The following CRTAC1 variants were observed in gnomAD, a reference collection of about 807,000 sequenced individuals.
CRTAC1 encodes the protein cartilage acidic protein 1.
A neutral mutation model predicts 67.8 loss-of-function variants in CRTAC1; 37 were observed. That is an observed-to-expected ratio of 0.55 (90% CI 0.42 to 0.72). The LOEUF is 0.72. Ranked by LOEUF, CRTAC1 falls within the 30% of genes least tolerant of loss-of-function variation. CRTAC1 has a pLI of 0.00. For synonymous variants in CRTAC1, 348 were observed against 371.0 expected (o/e 0.94, Z 0.71); for missense variants, 780 against 931.6 (o/e 0.84, Z 2.12).
At chr10:97,929,874 AC>A (rs1256724041) in intron 3 of CRTAC1, among the ~76,000 whole-genome samples, 1 of 152,228 alleles carries the variant, frequency 6.6e-6, no homozygotes. Flanking sequence ...GCTTTATAAG[AC>A]TTCGTCAATG....
chr10:97,968,697 A>G (rs1321505039), intron 2 of CRTAC1, among the ~76,000 whole-genome samples: 1 of 152,212 alleles, frequency 6.6e-6, no homozygotes, highest in African/African-American at 2.4e-5. Flanking sequence ...GACATGTTAG[A>G]AATAGGATGG....
At chr10:97,897,028 T>C in intron 8 of CRTAC1, 37 bp from the exon 9 acceptor site, 5 of 1,486,356 alleles carry the variant, frequency 3.4e-6, no homozygotes, top group South Asian at 1.2e-5. Context: ...TGGTGGGGTC[T>C]CAGAGGCCGC....
chr10:97,892,424 G>A (rs776070714), intron 11 of CRTAC1, among the ~76,000 whole-genome samples: 28 of 152,310 alleles, frequency 1.8e-4, no homozygotes, highest in African/African-American at 5.3e-4. Flanking sequence ...CTACGATACC[G>A]TGGTGGTCAC....
rs1372580422 is a variant in CRTAC1 at position 98,013,075 on chromosome 10, G to A, written c.25-1738C>T. On this transcript the variant is annotated intron_variant, in intron 1 of 14. Coordinates refer to ENST00000370597, the MANE Select transcript of CRTAC1 (RefSeq NM_018058.7). ...AACTAAAGAGTATTTAATAACCAGT[G>A]TCGACATGCCGAAATGTAGCATGGA... Among the ~76,000 whole-genome samples the A allele has an allele frequency of 2.0e-5, 3 of 152,194 alleles. No homozygotes were observed. In the East Asian group the frequency reaches 5.8e-4, roughly 29 times the overall value.
In CRTAC1 at chr10:97,904,813, A is replaced by G. The variant is rs1406221490; in HGVS notation, c.852T>C (p.Gly284=). The change falls in exon 7 of 15, where the codon GGT becomes GGC. Residue 284 remains glycine (G), a splice_region_variant and synonymous_variant. Coordinates refer to ENST00000370597, the MANE Select transcript of CRTAC1 (RefSeq NM_018058.7). ...GTFVDAAASA[G]VDDPHQHGRG... is the part of the protein sequence containing the mutation. The stretch of plus-strand genomic sequence containing the variant: ...GCCCATGCTGGTGGGGGTCGTCCAC[A>G]CCTGGGGAGGAGAGGCAGGAACTCT... 1 of 1,594,412 alleles carries G rather than the reference A, an allele frequency of 6.3e-7. No individual in the cohort carries two copies. The highest frequency in any genetic ancestry group is 8.5e-7 in the Non-Finnish European group (1 of 1,172,448).
chr10:97,945,778 G>C (rs1197561257), intron 2 of CRTAC1, among the ~76,000 whole-genome samples: 1 of 152,166 alleles, frequency 6.6e-6, no homozygotes, highest in African/African-American at 2.4e-5. Context: ...TAAGAAAAAA[G>C]AGAAAAACCT....
At chr10:98,005,618 A>G (rs192358310) in intron 2 of CRTAC1, among the ~76,000 whole-genome samples, 2 of 151,186 alleles carry the variant, frequency 1.3e-5, no homozygotes, top group African/African-American at 4.8e-5. Context: ...AATTATATTT[A>G]TATACATACT....
chr10:97,952,816 AC>A (rs1375567489), intron 2 of CRTAC1, among the ~76,000 whole-genome samples: 2 of 152,230 alleles, frequency 1.3e-5, no homozygotes, highest in African/African-American at 4.8e-5. Context: ...CTACAGTTGA[AC>A]ATGTAGAGAA....
chr10:97,908,132 C>G lies in CRTAC1; in HGVS notation c.731G>C (p.Ser244Thr). ...VSKYTGGRGV[S>T]VGPILSSSAS... Reference sequence around the variant, plus strand: ...ACTGCTGCTGAGGATGGGGCCCACGCTGACGCCTCGGCCCCCTAGAAAAGA... The same window carrying G: ...ACTGCTGCTGAGGATGGGGCCCACGGTGACGCCTCGGCCCCCTAGAAAAGA... Residue 244 changes from serine to threonine, a missense_variant, in exon 6 of 15, where the codon AGC (serine) becomes ACC (threonine). Transcript: ENST00000370597. 1.2e-6 allele frequency: 2 copies of G among 1,614,140 alleles called. No homozygotes were observed. Among genetic ancestry groups the G allele is most frequent in the Non-Finnish European group, 1.7e-6 (2 of 1,180,010 alleles).
chr10:97,940,489 G>A (rs560601291), intron 2 of CRTAC1, among the ~76,000 whole-genome samples: 1 of 152,386 alleles, frequency 6.6e-6, no homozygotes, highest in East Asian at 1.9e-4. Context: ...TAAAGGATGG[G>A]CCAGCAGGCA....
intron 14 of CRTAC1, 112 bp from the exon 15 acceptor site, chr10:97,865,826 GA>G: frequency 2.2e-5 from 17 of 778,966 alleles, no homozygotes; most frequent in East Asian, 1.2e-4. Flanking sequence ...CCCGGGGTGG[GA>G]GGGAGGGTGA....
At chr10:97,873,182 G>A (rs1248860779) in intron 14 of CRTAC1, among the ~76,000 whole-genome samples, 2 of 152,198 alleles carry the variant, frequency 1.3e-5, no homozygotes, top group African/African-American at 4.8e-5. Flanking sequence ...CCTGGGTGGA[G>A]GGTCTGGATT....
At chr10:97,934,508 C>T (rs1020732632) in intron 3 of CRTAC1, among the ~76,000 whole-genome samples, 5 of 152,194 alleles carry the variant, frequency 3.3e-5, no homozygotes, top group Admixed American at 1.3e-4. Context: ...AACCTCTTCC[C>T]CTCCCGTTTA....
At chr10:98,006,341 C>G (rs1842789869) in intron 2 of CRTAC1, among the ~76,000 whole-genome samples, 1 of 152,166 alleles carries the variant, frequency 6.6e-6, no homozygotes, top group Admixed American at 6.5e-5. Flanking sequence ...AAATCTTCCC[C>G]TCACCCCACA....
At chr10:97,907,339 G>A (rs953797852) in intron 6 of CRTAC1, among the ~76,000 whole-genome samples, 6 of 151,810 alleles carry the variant, frequency 4.0e-5, no homozygotes, top group Non-Finnish European at 7.4e-5. Context: ...AAGGCTAAAC[G>A]ACGTTCTGCA....
intron 2 of CRTAC1, among the ~76,000 whole-genome samples, chr10:97,953,045 A>G: frequency 6.6e-6 from 1 of 152,100 alleles, no homozygotes; most frequent in East Asian, 1.9e-4. Flanking sequence ...CCACTCTAGC[A>G]TCTTGCTCAG....
chr10:97,877,121 A>G (rs1439763048), intron 14 of CRTAC1, among the ~76,000 whole-genome samples: 1 of 151,892 alleles, frequency 6.6e-6, no homozygotes, highest in Non-Finnish European at 1.5e-5. Context: ...CATGGGAGGA[A>G]CCTAGTGCTT....
chr10:97,883,733 C>T (rs567895246), intron 12 of CRTAC1, among the ~76,000 whole-genome samples: 4 of 152,290 alleles, frequency 2.6e-5, no homozygotes, highest in South Asian at 2.1e-4. Flanking sequence ...AGAGTTGGAA[C>T]GACACTGCTG....
intron 2 of CRTAC1, among the ~76,000 whole-genome samples, chr10:98,001,258 A>G (rs1172025600): frequency 2.0e-5 from 3 of 152,210 alleles, no homozygotes; most frequent in Non-Finnish European, 4.4e-5. Context: ...GCAGAAAAAT[A>G]TAATAAAGAT....
Sources: gnomAD v4.1 joint callset for allele counts (sites outside exome capture counted in the v4.1 genomes callset) on GRCh38, gnomAD v4.1.1 for gene constraint, MANE v1.5 for transcripts, NCBI Gene and HGNC (gene_info 2026-07-23, HGNC 2026-07-21) for gene names.